BCL11A: variants seen among roughly 807,000 people sequenced by gnomAD.
The protein encoded by BCL11A is B cell CLL/lymphoma 11A.
BCL11A carries 2 observed loss-of-function variants against 55.9 expected under a neutral mutation model. That is an observed-to-expected ratio of 0.04 (90% CI 0.01 to 0.11). The LOEUF is 0.11. BCL11A is among the 10% of genes least tolerant of loss of function. The pLI is 1.00. For synonymous variants in BCL11A, 465 were observed against 473.4 expected, an observed-to-expected ratio of 0.98 and a Z score of 0.23; for missense variants, 817 against 1,137.1, an observed-to-expected ratio of 0.72 and a Z score of 4.05.
At chr2:60,452,696 G>GAAAA, downstream of BCL11A, 2 of 1,487,554 alleles carry the variant, frequency 1.3e-6, no homozygotes, top group Admixed American at 3.7e-5. Flanking sequence ...AGAGGAGGGG[G>GAAAA]AAAAAAAAAG....
At chr2:60,484,915 A>T (rs924574543) in intron 2 of BCL11A, among the ~76,000 whole-genome samples, 3 of 151,484 alleles carry the variant, frequency 2.0e-5, no homozygotes, top group African/African-American at 7.3e-5. Flanking sequence ...TCCAAATTTT[A>T]TCAAGTTCAA....
chr2:60,526,161 A>G (rs976744370), intron 2 of BCL11A: 1 of 152,202 alleles, frequency 6.6e-6, no homozygotes, highest in Non-Finnish European at 1.5e-5. Context: ...CAAAATCTAG[A>G]TTTGATCAAA....
At chr2:60,551,892 G>C (rs1280952136) in intron 1 of BCL11A, among the ~76,000 whole-genome samples, 1 of 151,772 alleles carries the variant, frequency 6.6e-6, no homozygotes, top group East Asian at 1.9e-4. Flanking sequence ...CGCCGCGCTC[G>C]GTCCTCTGTC....
At chr2:60,547,405 A>G (rs1670205434) in intron 1 of BCL11A, among the ~76,000 whole-genome samples, 1 of 151,962 alleles carries the variant, frequency 6.6e-6, no homozygotes, top group Non-Finnish European at 1.5e-5. Context: ...ACTTTGTACT[A>G]AAATACTCCA....
rs1368021668 is a variant in BCL11A, at chr2:60,458,127, G to A, written c.*2277C>T. ...CAAGCTTCAATATAAATACTATAGT[G>A]CCTAACACTAGATGAACATTTAATT... On this transcript the variant is annotated 3_prime_UTR_variant, in exon 4 of 4. Transcript: ENST00000642384. The A allele has an allele frequency of 1.6e-5, 16 of 1,028,192 alleles. No homozygotes were observed. The highest frequency in any genetic ancestry group is 1.8e-5 in the Non-Finnish European group (15 of 855,092). 63.7% of individuals were successfully genotyped at this position (1,028,192 alleles called of 1,614,324 possible). A position where few individuals can be genotyped will look rare whatever the true frequency, so the allele number is the denominator to read the frequency against.
chr2:60,525,987 G>A (rs1277789149), intron 2 of BCL11A: 3 of 152,204 alleles, frequency 2.0e-5, no homozygotes, highest in Admixed American at 6.5e-5. Flanking sequence ...CAATTGGAAG[G>A]TCTTCATACT....
chr2:60,517,736 C>T (rs1187203552), intron 2 of BCL11A, among the ~76,000 whole-genome samples: 3 of 152,236 alleles, frequency 2.0e-5, no homozygotes, highest in Non-Finnish European at 4.4e-5. Context: ...CAAGTAGACT[C>T]TGGCACTCAC....
At chr2:60,550,018 G>C (rs1160974691) in intron 1 of BCL11A, 2 of 152,286 alleles carry the variant, frequency 1.3e-5, no homozygotes, top group African/African-American at 4.8e-5. Context: ...CGAGAGGGGG[G>C]GTGTCGGGCT....
At position 60,457,450 on chromosome 2, in the gene BCL11A, A is replaced by G. The variant is rs546721888; in HGVS notation, c.*2954T>C. 4.8e-6 allele frequency: 5 copies of G among 1,039,172 alleles called. No individual in the cohort carries two copies. Among genetic ancestry groups the G allele is most frequent in the Non-Finnish European group, 4.6e-6 (4 of 861,744 alleles). 64.4% of individuals were successfully genotyped at this position (1,039,172 alleles called of 1,614,324 possible). ...ACAGGGCACATAAGCAATAATAAAT[A>G]GTGACTCCCATAGTAAAAGATAAAA... is the stretch of plus-strand genomic sequence containing the variant. On this transcript the variant is annotated 3_prime_UTR_variant, in exon 4 of 4. Transcript: ENST00000642384.
chr2:60,553,629 C>A lies in BCL11A; in HGVS notation c.-359G>T. 1 of 327,566 alleles carries A rather than the reference C, an allele frequency of 3.1e-6. No homozygotes were observed. The allele number at this position is 327,566 out of a possible 1,614,324, so 20.3% of individuals were successfully genotyped here. A position where few individuals can be genotyped will look rare whatever the true frequency, so the allele number is the denominator to read the frequency against. Reference sequence around the variant, plus strand: ...GACGTGACGTCCCTGCGAACTTGAACGTCAGGAGTCTGGATGGACAGAGAC... The same window carrying A: ...GACGTGACGTCCCTGCGAACTTGAAAGTCAGGAGTCTGGATGGACAGAGAC... On this transcript the variant is annotated 5_prime_UTR_variant, in exon 1 of 4. Transcript: ENST00000642384.
downstream of BCL11A, among the ~76,000 whole-genome samples, chr2:60,456,942 A>G (rs1285576672): frequency 6.6e-6 from 1 of 152,224 alleles, no homozygotes; most frequent in Non-Finnish European, 1.5e-5. Context: ...AGTTTTTAAC[A>G]TCAGACTGAA....
chr2:60,499,319 A>G (rs1679143055), intron 2 of BCL11A, among the ~76,000 whole-genome samples: 1 of 152,186 alleles, frequency 6.6e-6, no homozygotes, highest in Non-Finnish European at 1.5e-5. Flanking sequence ...TCTGGGCCAC[A>G]GTGCTGGAGG....
intron 2 of BCL11A, among the ~76,000 whole-genome samples, chr2:60,481,486 T>C: frequency 6.6e-6 from 1 of 151,668 alleles, no homozygotes; most frequent in African/African-American, 2.4e-5. Context: ...AGTCAGAGGG[T>C]CACCCAGGGC....
intron 2 of BCL11A, among the ~76,000 whole-genome samples, chr2:60,513,683 C>T (rs775786497): frequency 8.5e-5 from 13 of 152,200 alleles, no homozygotes; most frequent in Non-Finnish European, 1.5e-4. Flanking sequence ...GGACTCATCC[C>T]TGATCAGGAC....
At chr2:60,530,598 CTTTTT>C (rs113041831) in intron 2 of BCL11A, among the ~76,000 whole-genome samples, 2 of 145,150 alleles carry the variant, frequency 1.4e-5, no homozygotes, top group South Asian at 4.4e-4. Context: ...CTGTGCGTCT[CTTTTT>C]TTTTTTATTT....
chr2:60,542,077 T>C lies in BCL11A; in HGVS notation c.385+3894A>G, dbSNP rs760164600. ...TCCCTTCTTTAGAGTATCTGTCTGA[T>C]ATATCATTATCTAAATACCAGCTAT... On this transcript the variant is annotated intron_variant, in intron 2 of 3. Coordinates refer to ENST00000642384, the MANE Select transcript of BCL11A (RefSeq NM_022893.4). 7.1e-5 allele frequency: 38 copies of C among 538,464 alleles called. 1 individual carries two copies. Among genetic ancestry groups the C allele is most frequent in the Non-Finnish European group, 1.2e-4 (35 of 301,546 alleles). The allele number at this position is 538,464 out of a possible 1,614,324, so 33.4% of individuals were successfully genotyped here. A position where few individuals can be genotyped will look rare whatever the true frequency, so the allele number is the denominator to read the frequency against.
chr2:60,489,519 G>C (rs1197340410), intron 2 of BCL11A, among the ~76,000 whole-genome samples: 1 of 152,204 alleles, frequency 6.6e-6, no homozygotes, highest in Non-Finnish European at 1.5e-5. Context: ...TGTGTGCCAA[G>C]TGACCAGCCA....
chr2:60,553,135 C>T (rs1158974336), intron 1 of BCL11A, 81 bp downstream of exon 1: 8 of 1,436,034 alleles, frequency 5.6e-6, no homozygotes, highest in Non-Finnish European at 5.7e-6. Flanking sequence ...ACACACCCCT[C>T]TCTCCCCCTC....
In BCL11A at chr2:60,458,946, T is replaced by G. The variant is rs1676083419; in HGVS notation, c.*1458A>C. The G allele has an allele frequency of 9.7e-7, 1 of 1,034,136 alleles. No homozygotes were observed. The highest frequency in any genetic ancestry group is 4.5e-4 in the Middle Eastern group (1 of 2,214). 64.1% of individuals were successfully genotyped at this position (1,034,136 alleles called of 1,614,324 possible). The stretch of plus-strand genomic sequence containing the variant: ...CACAGTGTATGGAAAAGAAATGAAG[T>G]ACAACTTTTAGGGAGCACAGACATA... On this transcript the variant is annotated 3_prime_UTR_variant, in exon 4 of 4. Coordinates refer to ENST00000642384, the MANE Select transcript of BCL11A (RefSeq NM_022893.4).
Sources: allele counts gnomAD v4.1 joint callset (sites outside exome capture counted in the v4.1 genomes callset), GRCh38; gene constraint gnomAD v4.1.1; transcripts MANE v1.5; gene names NCBI Gene and HGNC (gene_info 2026-07-23, HGNC 2026-07-21).